PTPRM: variants seen among roughly 807,000 people sequenced by gnomAD.
PTPRM encodes the protein receptor-type tyrosine-protein phosphatase mu.
PTPRM carries 47 observed loss-of-function variants against 186.7 expected under a neutral mutation model. The observed-to-expected ratio is 0.25, with a 90% CI of 0.20 to 0.32. The LOEUF (loss-of-function observed/expected upper bound fraction) is 0.32. Ranked by LOEUF, PTPRM falls within the 10% of genes least tolerant of loss-of-function variation. PTPRM has a pLI of 1.00. For missense variants in PTPRM, 1,494 were observed against 1,865.0 expected, an observed-to-expected ratio of 0.80 and a Z score of 3.66; for synonymous variants, 668 against 674.9, an observed-to-expected ratio of 0.99 and a Z score of 0.16.
intron 2 of PTPRM, among the ~76,000 whole-genome samples, chr18:7,776,615 A>T (rs976713889): frequency 2.0e-5 from 3 of 152,186 alleles, no homozygotes; most frequent in East Asian, 3.9e-4. Context: ...GAGAGGAAGG[A>T]TTATAAGAAA....
chr18:8,307,499 A>G (rs527842181), intron 20 of PTPRM, among the ~76,000 whole-genome samples: 3 of 152,176 alleles, frequency 2.0e-5, no homozygotes, highest in Non-Finnish European at 2.9e-5. Flanking sequence ...TATGACTGTT[A>G]TCCTCTATTA....
chr18:8,322,968 C>T (rs1213995596), intron 22 of PTPRM, among the ~76,000 whole-genome samples: 4 of 152,024 alleles, frequency 2.6e-5, no homozygotes, highest in African/African-American at 9.7e-5. Context: ...CACAGTTGCA[C>T]ACCATGCCTG....
intron 7 of PTPRM, among the ~76,000 whole-genome samples, chr18:8,016,530 CA>C (rs563624187): frequency 0.031 from 2,202 of 70,126 alleles, 18 homozygotes; most frequent in South Asian, 0.066. Context: ...AAGAGTCTGT[CA>C]AAAAAAAAAA....
At chr18:8,187,690 T>C (rs778633087) in intron 14 of PTPRM, among the ~76,000 whole-genome samples, 4 of 151,840 alleles carry the variant, frequency 2.6e-5, no homozygotes, top group Non-Finnish European at 4.4e-5. Context: ...AGATGGAGAT[T>C]TAAGAGGTGA....
chr18:8,071,192 T>G (rs935756063), intron 8 of PTPRM, among the ~76,000 whole-genome samples: 1 of 152,156 alleles, frequency 6.6e-6, no homozygotes, highest in Non-Finnish European at 1.5e-5. Flanking sequence ...TCTATTTCTG[T>G]TTCTTCCAAC....
intron 2 of PTPRM, among the ~76,000 whole-genome samples, chr18:7,880,246 A>G (rs1042014449): frequency 2.6e-5 from 4 of 152,210 alleles, no homozygotes; most frequent in Non-Finnish European, 4.4e-5. Flanking sequence ...GCAGTTGGTT[A>G]GAGAGTTTTA....
chr18:8,228,229 G>A (rs1365836553), intron 14 of PTPRM, among the ~76,000 whole-genome samples: 2 of 152,054 alleles, frequency 1.3e-5, no homozygotes, highest in African/African-American at 2.4e-5. Flanking sequence ...CTGAAGACAC[G>A]GTGGAACTGA....
intron 7 of PTPRM, among the ~76,000 whole-genome samples, chr18:7,998,210 G>A (rs193048915): frequency 1.3e-5 from 2 of 152,106 alleles, no homozygotes; most frequent in East Asian, 1.9e-4. Flanking sequence ...ATTAAAAAAT[G>A]AAGTTTTGTC....
intron 7 of PTPRM, among the ~76,000 whole-genome samples, chr18:7,993,487 G>A (rs1249223323): frequency 1.3e-5 from 2 of 152,042 alleles, no homozygotes; most frequent in Non-Finnish European, 2.9e-5. Context: ...AAAGCATCAA[G>A]TCACATGTAA....
At chr18:8,274,124 TG>T (rs1370276636) in intron 19 of PTPRM, among the ~76,000 whole-genome samples, 1 of 152,156 alleles carries the variant, frequency 6.6e-6, no homozygotes, top group Non-Finnish European at 1.5e-5. Context: ...GCTTTGTTGG[TG>T]GGGACTAAAT....
At chr18:7,949,477 C>G in intron 6 of PTPRM, 122 bp downstream of exon 6, 1 of 828,712 alleles carries the variant, frequency 1.2e-6, no homozygotes, top group Non-Finnish European at 1.8e-6. Flanking sequence ...GGTTTGATGA[C>G]AGGCTATTTT....
chr18:8,319,914 C>T (rs59691514), intron 22 of PTPRM, among the ~76,000 whole-genome samples: 182 of 152,196 alleles, frequency 1.2e-3, no homozygotes, highest in African/African-American at 4.2e-3. Context: ...TGAGGAAGCT[C>T]ATGGCAGTGG....
intron 2 of PTPRM, among the ~76,000 whole-genome samples, chr18:7,811,738 A>G (rs149571791): frequency 1.3e-5 from 2 of 152,146 alleles, no homozygotes; most frequent in East Asian, 3.9e-4. Flanking sequence ...AGAGTGACAC[A>G]TGGGGCTGGG....
intron 7 of PTPRM, among the ~76,000 whole-genome samples, chr18:7,972,519 A>G (rs1599793739): frequency 6.7e-6 from 1 of 149,994 alleles, no homozygotes; most frequent in Non-Finnish European, 1.5e-5. Context: ...AATAGAAAAA[A>G]AAAAAAGAAA....
intron 1 of PTPRM, among the ~76,000 whole-genome samples, chr18:7,661,444 C>T (rs2038978609): frequency 6.6e-6 from 1 of 152,224 alleles, no homozygotes; most frequent in African/African-American, 2.4e-5. Flanking sequence ...ACTGAATTCT[C>T]CACAGGGAAT....
intron 14 of PTPRM, among the ~76,000 whole-genome samples, chr18:8,212,006 A>G (rs2094012717): frequency 6.6e-6 from 1 of 152,080 alleles, no homozygotes; most frequent in Non-Finnish European, 1.5e-5. Context: ...TTGTGAGGGA[A>G]TGATGGGCAT....
intron 2 of PTPRM, among the ~76,000 whole-genome samples, chr18:7,828,721 A>C (rs2145695611): frequency 6.6e-6 from 1 of 152,312 alleles, no homozygotes; most frequent in Non-Finnish European, 1.5e-5. Flanking sequence ...AGATTAGTCA[A>C]ATGCAGAAGC....
At chr18:7,906,463 G>A (rs749727554) in intron 3 of PTPRM, 42 bp from the exon 4 acceptor site, 16 of 1,494,892 alleles carry the variant, frequency 1.1e-5, no homozygotes, top group Non-Finnish European at 1.5e-5. Flanking sequence ...GTAAAAGTAA[G>A]ACAAAATGAA....
At chr18:7,792,554 C>T (rs151220165) in intron 2 of PTPRM, among the ~76,000 whole-genome samples, 27 of 152,270 alleles carry the variant, frequency 1.8e-4, no homozygotes, top group African/African-American at 5.3e-4. Flanking sequence ...TCTTGCTATC[C>T]ATTGATTATA....
Sources: allele counts gnomAD v4.1 joint callset (sites outside exome capture counted in the v4.1 genomes callset), GRCh38; gene constraint gnomAD v4.1.1; transcripts MANE v1.5; gene names NCBI Gene and HGNC (gene_info 2026-07-23, HGNC 2026-07-21).